Variants in DNAH11 observed in about 807,000 individuals in gnomAD.
DNAH11 encodes dynein axonemal heavy chain 11.
Under a neutral mutation model 526.0 loss-of-function variants are expected in DNAH11, and 442 were observed. That is an observed-to-expected ratio of 0.84 (90% CI 0.78 to 0.91). DNAH11 has a LOEUF of 0.91. Among genes scored for constraint, DNAH11 ranks in the 40% least tolerant of loss-of-function variants. The pLI, the probability that DNAH11 is intolerant of heterozygous loss-of-function variation, is 0.00. For missense variants in DNAH11, 6,989 were observed against 5,448.7 expected, an observed-to-expected ratio of 1.28 and a Z score of -8.90; for synonymous variants, 2,461 against 1,935.9, an observed-to-expected ratio of 1.27 and a Z score of -7.12.
chr7:21,553,815 A>C (rs1783113608), intron 2 of DNAH11, among the ~76,000 whole-genome samples: 1 of 151,770 alleles, frequency 6.6e-6, no homozygotes, highest in Non-Finnish European at 1.5e-5. Flanking sequence ...TTTCATTTTT[A>C]TTTATGCTTT....
At position 21,801,258 on chromosome 7, in the gene DNAH11, T is replaced by A. The variant is rs1299290489; in HGVS notation, c.10148T>A (p.Val3383Asp). ...ACCATCAAATTAGCTAACAGACTTG[T>A]CAAGGAACTTGAGGCAAGTTAAACC... ...NKTIKLANRLVKELEAKKIRW... is the reference protein window; with the variant it reads ...NKTIKLANRLDKELEAKKIRW... Residue 3383 changes from valine (V) to aspartate (D), a missense_variant, in exon 62 of 82, where the codon GTC becomes GAC. Val to Asp is a radical substitution (Grantham distance 152). Transcript: ENST00000409508. 3.1e-6 allele frequency: 5 copies of A among 1,613,794 alleles called. No individual in the cohort carries two copies. In the African/African-American group the frequency reaches 6.7e-5, roughly 22 times the overall value.
chr7:21,655,776 T>G, intron 28 of DNAH11, 56 bp from the exon 29 acceptor site: 1 of 1,527,588 alleles, frequency 6.5e-7, no homozygotes, highest in Non-Finnish European at 9.0e-7. Flanking sequence ...CTCTAGATTA[T>G]CAGAATATAC....
chr7:21,598,606 T>TA (rs1784955108), intron 14 of DNAH11, among the ~76,000 whole-genome samples: 1 of 151,690 alleles, frequency 6.6e-6, no homozygotes, highest in Non-Finnish European at 1.5e-5. Context: ...AATAAATAAA[T>TA]AAATAAATAA....
intron 45 of DNAH11, among the ~76,000 whole-genome samples, chr7:21,727,127 G>A (rs1188214901): frequency 1.3e-5 from 2 of 151,084 alleles, no homozygotes; most frequent in Non-Finnish European, 2.9e-5. Flanking sequence ...TAGAGACGGG[G>A]TTTCACCGTG....
intron 27 of DNAH11, among the ~76,000 whole-genome samples, chr7:21,638,448 G>A (rs981358679): frequency 6.6e-6 from 1 of 152,178 alleles, no homozygotes; most frequent in Non-Finnish European, 1.5e-5. Flanking sequence ...GGGCAATAAA[G>A]TGGAACCAAT....
chr7:21,901,361 CGTGCAT>C lies in DNAH11; in HGVS notation c.*108_*113del. 1.5e-6 allele frequency: 2 copies of C among 1,359,238 alleles called. No homozygotes were observed. Among genetic ancestry groups the C allele is most frequent in the Non-Finnish European group, 1.9e-6 (2 of 1,043,226 alleles). 84.2% of individuals were successfully genotyped at this position (1,359,238 alleles called of 1,614,324 possible). ...TATTCTAACTTTTTAGTAACTCACA[CGTGCAT>C]TCTTTTTTCAACGCTATCCTTAGAG... is the stretch of plus-strand genomic sequence containing the variant. On this transcript the variant is annotated 3_prime_UTR_variant, in exon 82 of 82. Coordinates refer to ENST00000409508, the MANE Select transcript of DNAH11 (RefSeq NM_001277115.2).
chr7:21,838,270 C>G (rs376072011), intron 65 of DNAH11, among the ~76,000 whole-genome samples: 1 of 152,188 alleles, frequency 6.6e-6, no homozygotes, highest in Non-Finnish European at 1.5e-5. Flanking sequence ...AAAAGACAAG[C>G]GTGAACCTCT....
intron 30 of DNAH11, among the ~76,000 whole-genome samples, chr7:21,679,602 T>A (rs1200986878): frequency 2.6e-5 from 4 of 152,142 alleles, no homozygotes; most frequent in Non-Finnish European, 5.9e-5. Context: ...CTAGGGGACA[T>A]ATATTAATAT....
chr7:21,671,986 G>C (rs1264118916), intron 30 of DNAH11, among the ~76,000 whole-genome samples: 4 of 152,140 alleles, frequency 2.6e-5, no homozygotes, highest in Non-Finnish European at 4.4e-5. Flanking sequence ...CTGAAAAGAG[G>C]ACAACAAACT....
chr7:21,892,242 G>A lies in DNAH11; in HGVS notation c.12508-183G>A, dbSNP rs149249013. ...TAATGTGTGTTCCTTGGGATCTTCC[G>A]CAGAGATCAGTCTGGTGTTGCATAT... On this transcript the variant is annotated intron_variant, in intron 76 of 81. Transcript: ENST00000409508. Among the ~76,000 whole-genome samples, 612 of 152,224 alleles carry A rather than the reference G, an allele frequency of 4.0e-3. 3 individuals are homozygous for A. The highest frequency in any genetic ancestry group is 0.013 in the African/African-American group (558 of 41,536).
At chr7:21,824,741 T>C (rs925310972) in intron 65 of DNAH11, among the ~76,000 whole-genome samples, 4 of 152,248 alleles carry the variant, frequency 2.6e-5, no homozygotes, top group Admixed American at 6.5e-5. Context: ...AAACAACATA[T>C]TCTTTTGGAG....
At chr7:21,551,699 A>C (rs1385409251) in intron 2 of DNAH11, among the ~76,000 whole-genome samples, 2 of 152,184 alleles carry the variant, frequency 1.3e-5, no homozygotes, top group Non-Finnish European at 2.9e-5. Context: ...ACCTATCCAC[A>C]AATAGCCTTA....
At chr7:21,682,552 T>G (rs1017961841) in intron 31 of DNAH11, among the ~76,000 whole-genome samples, 2 of 149,822 alleles carry the variant, frequency 1.3e-5, no homozygotes, top group African/African-American at 2.5e-5. Context: ...AAAAAAAAAT[T>G]TCTGTGTGTC....
rs115877655 is a variant in DNAH11 at position 21,573,280 on chromosome 7, T to C, written c.1593+1307T>C. 1.4e-3 allele frequency among the ~76,000 whole-genome samples: 202 copies of C among 148,088 alleles called. 1 individual carries two copies. Among genetic ancestry groups the C allele is most frequent in the African/African-American group, 5.0e-3 (191 of 38,414 alleles). On this transcript the variant is annotated intron_variant, in intron 8 of 81. Transcript: ENST00000409508. ...GGTATATATCTGCTTGGTATTTGTA[T>C]TTTGGAAGCCTATTCTATTTTGCAG...
At chr7:21,857,803 T>C (rs1031287827) in intron 68 of DNAH11, among the ~76,000 whole-genome samples, 1 of 152,124 alleles carries the variant, frequency 6.6e-6, no homozygotes, top group Non-Finnish European at 1.5e-5. Flanking sequence ...CAAACTATTA[T>C]ACTATATAAA....
At chr7:21,817,073 T>C (rs1279822553) in intron 64 of DNAH11, among the ~76,000 whole-genome samples, 1 of 152,156 alleles carries the variant, frequency 6.6e-6, no homozygotes, top group Non-Finnish European at 1.5e-5. Flanking sequence ...TTTACGGTCA[T>C]ATTTCTAAAT....
chr7:21,799,758 T>C (rs1374245738), intron 61 of DNAH11, among the ~76,000 whole-genome samples: 1 of 152,260 alleles, frequency 6.6e-6, no homozygotes, highest in Non-Finnish European at 1.5e-5. Flanking sequence ...TATATACATA[T>C]TGCTTTAGCA....
intron 31 of DNAH11, 123 bp from the exon 32 acceptor site, chr7:21,683,661 C>A: frequency 9.6e-7 from 1 of 1,037,980 alleles, no homozygotes; most frequent in Non-Finnish European, 1.3e-6. Flanking sequence ...TTTGCAATAG[C>A]GTGCAAGAGA....
chr7:21,735,761 GT>G lies in DNAH11; in HGVS notation c.7563del (p.Asp2522ThrfsTer11). 1 of 1,613,962 alleles carries G rather than the reference GT, an allele frequency of 6.2e-7. No homozygotes were observed. Among genetic ancestry groups the G allele is most frequent in the Non-Finnish European group, 8.5e-7 (1 of 1,179,882 alleles). ...NAGVGKTVFVGDTLASLSEDY... is the reference protein window; with the variant it reads ...NAGVGKTVFVXDTLASLSEDY... ...GGAGTGGGAAAAACAGTCTTTGTAGGTGACACATTGGCAAGTCTCTCTGAGG... is the reference window on the plus strand; with the variant it reads ...GGAGTGGGAAAAACAGTCTTTGTAGGGACACATTGGCAAGTCTCTCTGAGG... On this transcript the variant is annotated frameshift_variant, in exon 46 of 82. Transcript: ENST00000409508. LOFTEE classifies it high-confidence loss of function.
Sources: gnomAD v4.1 joint callset for allele counts (sites outside exome capture counted in the v4.1 genomes callset) on GRCh38, gnomAD v4.1.1 for gene constraint, MANE v1.5 for transcripts, NCBI Gene and HGNC (gene_info 2026-07-23, HGNC 2026-07-21) for gene names.